CA10: variants seen among roughly 807,000 people sequenced by gnomAD.
CA10 encodes carbonic anhydrase-related protein 10.
In CA10, 14 loss-of-function variants were observed where a neutral mutation model predicts 44.2. The observed-to-expected ratio is 0.32, with a 90% CI of 0.21 to 0.50. CA10 has a LOEUF of 0.50. Among genes scored for constraint, CA10 ranks in the 20% least tolerant of loss-of-function variants. The probability of loss-of-function intolerance (pLI) is 0.99; values close to 1 mark genes in which losing one functional copy is unlikely to be tolerated. For missense variants in CA10, 350 were observed against 409.7 expected, an observed-to-expected ratio of 0.85 and a Z score of 1.26; for synonymous variants, 159 against 141.6, an observed-to-expected ratio of 1.12 and a Z score of -0.87.
chr17:51,891,116 C>T (rs913184630), intron 3 of CA10, among the ~76,000 whole-genome samples: 1 of 152,040 alleles, frequency 6.6e-6, no homozygotes, highest in Admixed American at 6.6e-5. Flanking sequence ...TAAAACAAAA[C>T]GAAATAGCCC....
At chr17:51,782,668 C>G (rs1193384109) in intron 3 of CA10, among the ~76,000 whole-genome samples, 1 of 152,200 alleles carries the variant, frequency 6.6e-6, no homozygotes, top group African/African-American at 2.4e-5. Context: ...GGGATGCTGT[C>G]TCTCCTCCAG....
intron 3 of CA10, among the ~76,000 whole-genome samples, chr17:51,751,065 A>C (rs1392243543): frequency 6.6e-6 from 1 of 152,242 alleles, no homozygotes; most frequent in East Asian, 1.9e-4. Flanking sequence ...CAGTTTTCTT[A>C]ACCATAGAGG....
At chr17:51,915,285 C>T (rs747552388) in intron 3 of CA10, among the ~76,000 whole-genome samples, 4 of 152,130 alleles carry the variant, frequency 2.6e-5, no homozygotes, top group East Asian at 1.9e-4. Context: ...ACAATTTGTT[C>T]GTCAAAACAG....
chr17:51,797,035 ACAGACCATCTGCCAGCTGTTTCTGC>A (rs562238928), intron 3 of CA10, among the ~76,000 whole-genome samples: 176 of 152,296 alleles, frequency 1.2e-3, no homozygotes, highest in Admixed American at 2.5e-3. Flanking sequence ...ATTTCTAGCC[ACAGACCATCTGCCAGCTGTTTCTGC>A]CAGAACAGCT....
chr17:51,946,766 T>C (rs2144025944), intron 2 of CA10, among the ~76,000 whole-genome samples: 1 of 152,344 alleles, frequency 6.6e-6, no homozygotes, highest in Middle Eastern at 3.4e-3. Flanking sequence ...ATTTGTAACA[T>C]GTCTTATAAC....
At chr17:52,091,675 A>T (rs1598209928) in intron 1 of CA10, among the ~76,000 whole-genome samples, 1 of 152,206 alleles carries the variant, frequency 6.6e-6, no homozygotes, top group East Asian at 1.9e-4. Context: ...GAACTTGGTA[A>T]CACTTTGGAC....
At chr17:51,694,192 G>T (rs573795885) in intron 4 of CA10, among the ~76,000 whole-genome samples, 1 of 149,654 alleles carries the variant, frequency 6.7e-6, no homozygotes, top group Non-Finnish European at 1.5e-5. Flanking sequence ...CAACAAGAGC[G>T]AAACTCCGTC....
chr17:51,634,744 C>T (rs1042211899), intron 7 of CA10, among the ~76,000 whole-genome samples: 5 of 152,204 alleles, frequency 3.3e-5, no homozygotes, highest in African/African-American at 1.2e-4. Context: ...ACCACTTCCT[C>T]TTGAAGACTG....
intron 2 of CA10, among the ~76,000 whole-genome samples, chr17:52,063,671 C>T (rs1250120286): frequency 6.6e-6 from 1 of 152,200 alleles, no homozygotes; most frequent in Non-Finnish European, 1.5e-5. Flanking sequence ...CCTCCCCTTC[C>T]ACTTGCACTA....
intron 3 of CA10, among the ~76,000 whole-genome samples, chr17:51,845,770 T>G (rs1004106945): frequency 2.6e-5 from 4 of 152,220 alleles, no homozygotes; most frequent in African/African-American, 9.6e-5. Context: ...GAACGCTCTG[T>G]CATATAGGCC....
chr17:52,003,921 T>G (rs1433283188), intron 2 of CA10, among the ~76,000 whole-genome samples: 5 of 139,494 alleles, frequency 3.6e-5, no homozygotes, highest in Non-Finnish European at 7.7e-5. Flanking sequence ...GAATAGATAC[T>G]TATAGTAAAA....
intron 4 of CA10, among the ~76,000 whole-genome samples, chr17:51,677,179 T>C (rs1254064764): frequency 2.0e-5 from 3 of 152,184 alleles, no homozygotes; most frequent in Non-Finnish European, 4.4e-5. Context: ...ATGGTGGTGA[T>C]ATGGTTTGGG....
intron 3 of CA10, among the ~76,000 whole-genome samples, chr17:51,907,117 T>C (rs906210816): frequency 6.6e-6 from 1 of 152,166 alleles, no homozygotes; most frequent in African/African-American, 2.4e-5. Context: ...TATGTGGCTC[T>C]TGACAATCAG....
chr17:51,904,095 G>T (rs888219021), intron 3 of CA10, among the ~76,000 whole-genome samples: 1 of 151,600 alleles, frequency 6.6e-6, no homozygotes, highest in African/African-American at 2.4e-5. Flanking sequence ...CACCCTGTTT[G>T]CTCAGGATGG....
intron 2 of CA10, among the ~76,000 whole-genome samples, chr17:52,004,651 C>G (rs1217203583): frequency 2.0e-5 from 3 of 151,898 alleles, no homozygotes; most frequent in Non-Finnish European, 4.4e-5. Context: ...GTACACATGA[C>G]ATTATCTTAC....
chr17:51,812,822 A>G (rs1907422771), intron 3 of CA10, among the ~76,000 whole-genome samples: 1 of 152,170 alleles, frequency 6.6e-6, no homozygotes, highest in Non-Finnish European at 1.5e-5. Flanking sequence ...AAGGCAAGAA[A>G]TAGCTCAGGG....
intron 2 of CA10, among the ~76,000 whole-genome samples, chr17:52,063,541 C>A (rs1987449930): frequency 6.6e-6 from 1 of 152,132 alleles, no homozygotes; most frequent in South Asian, 2.1e-4. Context: ...TTGGTACCAC[C>A]TTTATAGTAA....
chr17:52,062,526 G>A (rs935967934), intron 2 of CA10, among the ~76,000 whole-genome samples: 1 of 152,174 alleles, frequency 6.6e-6, no homozygotes. Context: ...TAGGCCCACA[G>A]GCCTGGGAAA....
intron 2 of CA10, among the ~76,000 whole-genome samples, chr17:51,979,149 G>A (rs144044311): frequency 1.1e-4 from 17 of 151,784 alleles, no homozygotes; most frequent in Non-Finnish European, 2.1e-4. Context: ...TATAATTTCC[G>A]TGACCATACT....
Sources: gnomAD v4.1 joint callset for allele counts (sites outside exome capture counted in the v4.1 genomes callset) on GRCh38, gnomAD v4.1.1 for gene constraint, MANE v1.5 for transcripts, NCBI Gene and HGNC (gene_info 2026-07-23, HGNC 2026-07-21) for gene names.